The following ACSBG2 variants were observed in gnomAD, a reference collection of about 807,000 sequenced individuals.
ACSBG2 encodes the protein acyl-CoA synthetase bubblegum family member 2, also known as long-chain-fatty-acid--CoA ligase ACSBG2.
A neutral mutation model predicts 74.7 loss-of-function variants in ACSBG2; 62 were observed. The ratio of observed to expected loss-of-function variants is 0.83; its 90% CI spans 0.68 to 1.03. ACSBG2 has a LOEUF of 1.03. Among genes scored for constraint, ACSBG2 ranks in the 50% least tolerant of loss-of-function variants. ACSBG2 has a pLI of 0.00. For missense variants in ACSBG2, 730 were observed against 817.6 expected (o/e 0.89, Z 1.31); for synonymous variants, 309 against 294.1 (o/e 1.05, Z -0.52).
intron 4 of ACSBG2, 38 bp from the exon 5 acceptor site, chr19:6,156,393 T>C: frequency 6.4e-7 from 1 of 1,561,710 alleles, no homozygotes; most frequent in Non-Finnish European, 8.6e-7. Flanking sequence ...CTTTAAGGTG[T>C]GTGTGGATGC....
At chr19:6,151,063 G>A (rs1005111370) in intron 3 of ACSBG2, among the ~76,000 whole-genome samples, 55 of 149,040 alleles carry the variant, frequency 3.7e-4, no homozygotes, top group Non-Finnish European at 6.8e-4. Flanking sequence ...GCAGTGAGCC[G>A]AGATCGCACT....
At position 6,147,471 on chromosome 19, in the gene ACSBG2, T is replaced by C. The variant is rs141830378; in HGVS notation, c.93T>C (p.Cys31=). 9.7e-5 allele frequency: 156 copies of C among 1,614,170 alleles called. No homozygotes were observed. In the African/African-American group the frequency reaches 1.9e-3, roughly 20 times the overall value. The change falls in exon 3 of 15, where the codon TGT becomes TGC. Residue 31 remains cysteine (C), a synonymous_variant. Transcript: ENST00000588485. ...TTACTCCCAGGCTGTGGACCACCTG[T>C]CGAGATGGAGAAGTCCTTCTGAGGC... ...TEVTPRLWTT[C]RDGEVLLRLS...
chr19:6,169,427 A>G (rs555445557), intron 7 of ACSBG2, among the ~76,000 whole-genome samples: 2 of 152,238 alleles, frequency 1.3e-5, no homozygotes, highest in Admixed American at 6.5e-5. Context: ...TGAGTTCTCT[A>G]TTCTGTTCCA....
At chr19:6,140,040 G>A (rs554337394) in intron 1 of ACSBG2, among the ~76,000 whole-genome samples, 8 of 152,178 alleles carry the variant, frequency 5.3e-5, no homozygotes, top group East Asian at 1.9e-4. Flanking sequence ...TGGCAAACAC[G>A]GTGAAACCCA....
intron 6 of ACSBG2, chr19:6,161,626 T>TG (rs2145120986): frequency 4.6e-6 from 1 of 219,750 alleles, no homozygotes; most frequent in African/African-American, 2.3e-5. Flanking sequence ...ATGTGGTAGG[T>TG]GGGGGTTTGC....
At chr19:6,156,849 T>C (rs1030338515) in intron 5 of ACSBG2, among the ~76,000 whole-genome samples, 1 of 151,830 alleles carries the variant, frequency 6.6e-6, no homozygotes, top group Non-Finnish European at 1.5e-5. Context: ...AATGTCGTGA[T>C]TGTAGCTCAC....
intron 2 of ACSBG2, among the ~76,000 whole-genome samples, chr19:6,145,397 C>T (rs2088992794): frequency 6.8e-6 from 1 of 146,910 alleles, no homozygotes; most frequent in South Asian, 2.2e-4. Context: ...TGCCACTGCA[C>T]TCCAGCCTGG....
chr19:6,137,257 TG>T (rs2088614295), intron 1 of ACSBG2: 1 of 131,986 alleles, frequency 7.6e-6, no homozygotes, highest in Non-Finnish European at 1.6e-5. Flanking sequence ...AAGACCGGCC[TG>T]GGCAATATAG....
chr19:6,164,808 T>C (rs1047370323), intron 6 of ACSBG2, among the ~76,000 whole-genome samples: 10 of 152,148 alleles, frequency 6.6e-5, no homozygotes, highest in Admixed American at 2.0e-4. Flanking sequence ...TTTCTGCAGA[T>C]CCCATGTGAT....
At chr19:6,166,280 T>TGTGTGTG (rs2089799967) in intron 7 of ACSBG2, among the ~76,000 whole-genome samples, 1 of 119,096 alleles carries the variant, frequency 8.4e-6, no homozygotes, top group Non-Finnish European at 1.7e-5. Flanking sequence ...GTCAGGAAGG[T>TGTGTGTG]TGTGTGTGTG....
rs2090532672 is a variant in ACSBG2 at position 6,190,522 on chromosome 19, G to T, written c.1928-62G>T. The T allele has an allele frequency of 3.5e-6, 5 of 1,416,584 alleles. No individual in the cohort carries two copies. The Admixed American group carries it at 8.4e-5, about 24-fold the overall frequency. The allele number at this position is 1,416,584 out of a possible 1,614,324, so 87.8% of individuals were successfully genotyped here. The stretch of plus-strand genomic sequence containing the variant: ...GCATGGGACTCTGTTGCCTGGTCAT[G>T]CATGGGTGTGTGTAATTTTCTTTTA... On this transcript the variant is annotated intron_variant, in intron 13 of 14. Transcript: ENST00000588485.
chr19:6,162,426 G>T (rs1377169502), intron 6 of ACSBG2, among the ~76,000 whole-genome samples: 1 of 151,342 alleles, frequency 6.6e-6, no homozygotes, highest in Non-Finnish European at 1.5e-5. Flanking sequence ...AATTATCCAG[G>T]CGTGGTGGTG....
At chr19:6,145,126 CG>C (rs2088981142) in intron 2 of ACSBG2, among the ~76,000 whole-genome samples, 1 of 151,904 alleles carries the variant, frequency 6.6e-6, no homozygotes, top group African/African-American at 2.4e-5. Context: ...CGGCCGGGCG[CG>C]GTGGCTCATG....
intron 13 of ACSBG2, among the ~76,000 whole-genome samples, 193 bp downstream of exon 13, chr19:6,188,038 A>C (rs1037133223): frequency 1.1e-4 from 16 of 152,094 alleles, no homozygotes; most frequent in African/African-American, 3.9e-4. Flanking sequence ...CCTCCTTACT[A>C]TAGCTCTATA....
chr19:6,166,313 T>C (rs1310952269), intron 7 of ACSBG2, among the ~76,000 whole-genome samples: 1 of 150,912 alleles, frequency 6.6e-6, no homozygotes, highest in Non-Finnish European at 1.5e-5. Context: ...TGTGTGTGTG[T>C]GTGTGTGTGT....
Position 6,179,293 on chromosome 19 carries a change from ATTTT to A in ACSBG2, c.906+1917_906+1920del, listed in dbSNP as rs1169472742. Among the ~76,000 whole-genome samples, 247 of 118,598 alleles carry A rather than the reference ATTTT, an allele frequency of 2.1e-3. 1 individual carries two copies. Among genetic ancestry groups the A allele is most frequent in the African/African-American group, 7.1e-3 (229 of 32,232 alleles). 77.8% of individuals were successfully genotyped at this position (118,598 alleles called of 152,430 possible). On this transcript the variant is annotated intron_variant, in intron 8 of 14. Transcript: ENST00000588485. ...AAGAACACTTTGATTTCTTTTCTAA[ATTTT>A]TTTTTTTTTTTTTTTTTTTAGAGAC...
At chr19:6,148,882 C>CAAGGTCAA (rs1304851445) in intron 3 of ACSBG2, among the ~76,000 whole-genome samples, 5 of 152,022 alleles carry the variant, frequency 3.3e-5, no homozygotes, top group Non-Finnish European at 5.9e-5. Flanking sequence ...GTGGGCGGAT[C>CAAGGTCAA]AAGGTCAAGA....
chr19:6,137,901 G>A (rs999320232), intron 1 of ACSBG2, among the ~76,000 whole-genome samples: 4 of 152,260 alleles, frequency 2.6e-5, no homozygotes, highest in South Asian at 2.1e-4. Flanking sequence ...TGATCCACCC[G>A]CCTCGGCCTC....
At chr19:6,161,435 A>C (rs536876932) in intron 6 of ACSBG2, 140 bp downstream of exon 6, 3 of 706,678 alleles carry the variant, frequency 4.2e-6, no homozygotes, top group African/African-American at 4.2e-5. Context: ...GTAGGTGGGG[A>C]CTCTCAAAGG....
Sources: gnomAD v4.1 joint callset for allele counts (sites outside exome capture counted in the v4.1 genomes callset) on GRCh38, gnomAD v4.1.1 for gene constraint, MANE v1.5 for transcripts, NCBI Gene and HGNC (gene_info 2026-07-23, HGNC 2026-07-21) for gene names.